The following SPC25 variants were observed in gnomAD, a reference collection of about 807,000 sequenced individuals.
SPC25 encodes kinetochore protein Spc25.
In SPC25, 22 loss-of-function variants were observed where a neutral mutation model predicts 29.6. The observed-to-expected ratio is 0.74, with a 90% CI of 0.53 to 1.06. SPC25 has a LOEUF of 1.06. Among genes scored for constraint, SPC25 ranks in the 50% least tolerant of loss-of-function variants. The pLI is 0.00. For synonymous variants in SPC25, 91 were observed against 90.4 expected, an observed-to-expected ratio of 1.01 and a Z score of -0.04; for missense variants, 230 against 255.8, an observed-to-expected ratio of 0.90 and a Z score of 0.69.
chr2:168,873,782 A>T (rs2105823846), intron 5 of SPC25, 99 bp from the exon 6 acceptor site: 2 of 661,506 alleles, frequency 3.0e-6, no homozygotes, highest in South Asian at 2.3e-5. Context: ...AAGTATATAC[A>T]GTCATGTAAC....
chr2:168,867,569 A>T (rs1689889263), downstream of SPC25, among the ~76,000 whole-genome samples: 1 of 152,268 alleles, frequency 6.6e-6, no homozygotes, highest in African/African-American at 2.4e-5. Flanking sequence ...AAACAAAAAA[A>T]GGCAAGGATT....
At position 168,871,212 on chromosome 2, in the gene SPC25, T is replaced by C. The variant is rs1402338169; in HGVS notation, c.*219A>G. The C allele has an allele frequency of 2.8e-5, 5 of 180,014 alleles. No homozygotes were observed. The highest frequency in any genetic ancestry group is 3.9e-5 in the Non-Finnish European group (4 of 103,626). 11.2% of individuals were successfully genotyped at this position (180,014 alleles called of 1,614,324 possible). ...TCACACAACGGGGACTGTTGTGGGT[T>C]GGGGGAGGGGGGAGGGATAGCATTA... On this transcript the variant is annotated 3_prime_UTR_variant, in exon 7 of 7. Coordinates refer to ENST00000282074, the MANE Select transcript of SPC25 (RefSeq NM_020675.4).
At chr2:168,866,866 GA>G (rs1335580253), downstream of SPC25, among the ~76,000 whole-genome samples, 1 of 152,028 alleles carries the variant, frequency 6.6e-6, no homozygotes, top group East Asian at 1.9e-4. Context: ...AAAAACACAT[GA>G]AAAAATGCTC....
chr2:168,869,966 G>C (rs1237038172), downstream of SPC25, among the ~76,000 whole-genome samples: 1 of 152,078 alleles, frequency 6.6e-6, no homozygotes, highest in Non-Finnish European at 1.5e-5. Context: ...ATCCTACAAG[G>C]CTACAGTAAC....
intron 4 of SPC25, chr2:168,863,514 G>C (rs1689615680): frequency 1.0e-6 from 1 of 985,234 alleles, no homozygotes; most frequent in Non-Finnish European, 1.2e-6. Flanking sequence ...TTTATGACAA[G>C]AGCCATGTTT....
At position 168,877,218 on chromosome 2, in the gene SPC25, G is replaced by A. The variant is rs1574361000; in HGVS notation, c.346+20C>T. On this transcript the variant is annotated intron_variant, in intron 4 of 6. Transcript: ENST00000282074. ...ACCACTTTCCATTTTAGATCAGTAT[G>A]TTTATAAGAGGAAACTTACTTTCCT... is the stretch of plus-strand genomic sequence containing the variant. The A allele has an allele frequency of 1.2e-6, 2 of 1,610,994 alleles. No individual in the cohort carries two copies. Among genetic ancestry groups the A allele is most frequent in the Non-Finnish European group, 1.7e-6 (2 of 1,179,034 alleles).
rs1574367771 is a variant in SPC25, at chr2:168,889,218, T to C, written c.199+8A>G. The C allele has an allele frequency of 6.2e-7, 1 of 1,610,022 alleles. No individual in the cohort carries two copies. Among genetic ancestry groups the C allele is most frequent in the South Asian group, 1.1e-5 (1 of 90,262 alleles). On this transcript the variant is annotated splice_region_variant and intron_variant, in intron 3 of 6. Coordinates refer to ENST00000282074, the MANE Select transcript of SPC25 (RefSeq NM_020675.4). ...AAAAAACCCCATGATTTATACTTTT[T>C]CACATACGATTTTGATATTCCAGAA...
chr2:168,885,864 C>A (rs1690252180), intron 3 of SPC25, among the ~76,000 whole-genome samples: 1 of 152,066 alleles, frequency 6.6e-6, no homozygotes, highest in African/African-American at 2.4e-5. Flanking sequence ...AGTATCTATA[C>A]CTCTTAGGGT....
chr2:168,885,657 AT>A (rs71397668), intron 3 of SPC25, among the ~76,000 whole-genome samples: 18,674 of 152,150 alleles, frequency 0.12, 1,219 homozygotes, highest in African/African-American at 0.16. Flanking sequence ...TTCCTGCCAT[AT>A]TCCATGTGCT....
chr2:168,875,855 A>C (rs78314951), intron 5 of SPC25, among the ~76,000 whole-genome samples: 3,085 of 152,260 alleles, frequency 0.02, 80 homozygotes, highest in African/African-American at 0.068. Flanking sequence ...GCATGTTGAC[A>C]ATCATGCCAA....
intron 3 of SPC25, among the ~76,000 whole-genome samples, chr2:168,878,292 T>C (rs1265667066): frequency 1.3e-5 from 2 of 152,188 alleles, no homozygotes; most frequent in African/African-American, 2.4e-5. Flanking sequence ...GCAAATATAG[T>C]TTATACCAAG....
intron 3 of SPC25, among the ~76,000 whole-genome samples, chr2:168,883,246 G>A (rs1397947541): frequency 1.3e-5 from 2 of 152,004 alleles, no homozygotes; most frequent in Non-Finnish European, 2.9e-5. Flanking sequence ...TAGATACCAT[G>A]AATATAATTA....
intron 4 of SPC25, among the ~76,000 whole-genome samples, 185 bp downstream of exon 4, chr2:168,877,053 A>C (rs1181254576): frequency 6.6e-6 from 1 of 152,176 alleles, no homozygotes; most frequent in Non-Finnish European, 1.5e-5. Context: ...TTTAAGTAAG[A>C]CAAAAGAAAA....
intron 4 of SPC25, among the ~76,000 whole-genome samples, chr2:168,861,593 T>A (rs1689453062): frequency 6.6e-6 from 1 of 152,154 alleles, no homozygotes; most frequent in Non-Finnish European, 1.5e-5. Flanking sequence ...CAGCTAGGGA[T>A]GATGATAACA....
downstream of SPC25, among the ~76,000 whole-genome samples, chr2:168,868,038 G>A (rs1337331284): frequency 6.6e-6 from 1 of 152,028 alleles, no homozygotes; most frequent in African/African-American, 2.4e-5. Context: ...CTAGAACGCA[G>A]GATTAAGAAA....
intron 1 of SPC25, among the ~76,000 whole-genome samples, chr2:168,889,871 G>C (rs1300343058): frequency 6.6e-6 from 1 of 152,136 alleles, no homozygotes; most frequent in Non-Finnish European, 1.5e-5. Flanking sequence ...TCTGAACAGA[G>C]ATCATCAGGA....
chr2:168,889,011 GTATATATATACACATATATA>G (rs1440461253), intron 3 of SPC25, among the ~76,000 whole-genome samples, 195 bp downstream of exon 3: 1 of 98,814 alleles, frequency 1.0e-5, no homozygotes, highest in African/African-American at 4.6e-5. Context: ...ACACATATAT[GTATATATATACACATATATA>G]TACATATATA....
chr2:168,867,424 A>T (rs1326080521), downstream of SPC25, among the ~76,000 whole-genome samples: 2 of 152,250 alleles, frequency 1.3e-5, no homozygotes, highest in Non-Finnish European at 2.9e-5. Context: ...TGCTCCAATT[A>T]AAAGGCACAG....
chr2:168,887,880 A>G (rs1205940665), intron 3 of SPC25, among the ~76,000 whole-genome samples: 1 of 152,246 alleles, frequency 6.6e-6, no homozygotes, highest in Non-Finnish European at 1.5e-5. Flanking sequence ...TTTAAAAAAT[A>G]CTGGCATTTA....
Sources: gnomAD v4.1 joint callset for allele counts (sites outside exome capture counted in the v4.1 genomes callset) on GRCh38, gnomAD v4.1.1 for gene constraint, MANE v1.5 for transcripts, NCBI Gene and HGNC (gene_info 2026-07-23, HGNC 2026-07-21) for gene names.